Variants in PDZD8 observed in about 807,000 individuals in gnomAD.
PDZD8 encodes the protein PDZ domain-containing protein 8.
A neutral mutation model predicts 85.8 loss-of-function variants in PDZD8; 14 were observed. That is an observed-to-expected ratio of 0.16 (90% confidence interval 0.11 to 0.26). The LOEUF is 0.26. Among genes scored for constraint, PDZD8 ranks in the 10% least tolerant of loss-of-function variants. The pLI, the probability that PDZD8 is intolerant of heterozygous loss-of-function variation, is 1.00. For missense variants in PDZD8, 1,197 were observed against 1,424.3 expected, an observed-to-expected ratio of 0.84 and a Z score of 2.57; for synonymous variants, 592 against 568.6, an observed-to-expected ratio of 1.04 and a Z score of -0.59.
intron 3 of PDZD8, among the ~76,000 whole-genome samples, chr10:117,300,808 A>G (rs1843834484): frequency 1.3e-5 from 2 of 152,176 alleles, no homozygotes; most frequent in Non-Finnish European, 2.9e-5. Flanking sequence ...ATGTGAGGAC[A>G]TAGGGAAAAG....
chr10:117,291,173 C>T (rs2133765868), intron 3 of PDZD8, among the ~76,000 whole-genome samples: 1 of 152,016 alleles, frequency 6.6e-6, no homozygotes, highest in East Asian at 1.9e-4. Context: ...CCCACCCGGC[C>T]AGTGTATTCT....
chr10:117,367,611 A>C (rs1388229847), intron 1 of PDZD8, among the ~76,000 whole-genome samples: 1 of 152,180 alleles, frequency 6.6e-6, no homozygotes, highest in Non-Finnish European at 1.5e-5. Context: ...AATCAGCACT[A>C]AACTGGGTAT....
At chr10:117,333,802 T>C (rs1844471130) in intron 2 of PDZD8, among the ~76,000 whole-genome samples, 5 of 152,330 alleles carry the variant, frequency 3.3e-5, no homozygotes, top group Middle Eastern at 3.4e-3. Context: ...ACTTTGAAAA[T>C]GCTTCACCTA....
intron 3 of PDZD8, among the ~76,000 whole-genome samples, chr10:117,315,382 A>C (rs541448321): frequency 6.6e-6 from 1 of 151,954 alleles, no homozygotes; most frequent in East Asian, 1.9e-4. Context: ...ATCACCTGAG[A>C]CCAGGAGTTC....
At chr10:117,370,573 G>A (rs997762280) in intron 1 of PDZD8, among the ~76,000 whole-genome samples, 1 of 152,136 alleles carries the variant, frequency 6.6e-6, no homozygotes, top group Non-Finnish European at 1.5e-5. Flanking sequence ...CGGGCACAGC[G>A]GCTCACACAT....
chr10:117,359,077 G>A (rs763014472), intron 1 of PDZD8, among the ~76,000 whole-genome samples: 8 of 145,998 alleles, frequency 5.5e-5, no homozygotes, highest in South Asian at 2.2e-4. Context: ...TTTTAATTGC[G>A]TCCTTTGTGA....
intron 2 of PDZD8, among the ~76,000 whole-genome samples, chr10:117,332,964 CAAA>C (rs1231446044): frequency 6.6e-6 from 1 of 150,724 alleles, no homozygotes; most frequent in Non-Finnish European, 1.5e-5. Context: ...ACTAAAAATA[CAAA>C]AATTAGATGG....
At chr10:117,335,666 T>C (rs566068481) in intron 2 of PDZD8, among the ~76,000 whole-genome samples, 2 of 152,288 alleles carry the variant, frequency 1.3e-5, no homozygotes, top group East Asian at 3.9e-4. Flanking sequence ...AACCCAACTA[T>C]ATTTTAAATG....
intron 4 of PDZD8, among the ~76,000 whole-genome samples, chr10:117,288,385 G>GA (rs2133762249): frequency 6.6e-6 from 1 of 151,188 alleles, no homozygotes; most frequent in African/African-American, 2.4e-5. Context: ...TTTATGTACA[G>GA]AAAAAAACAA....
chr10:117,364,462 CACAG>C (rs1435917795), intron 1 of PDZD8, among the ~76,000 whole-genome samples: 3 of 145,458 alleles, frequency 2.1e-5, no homozygotes, highest in Non-Finnish European at 4.5e-5. Flanking sequence ...TCTATACGCA[CACAG>C]ACAGACACAC....
Position 117,284,918 on chromosome 10 carries a change from A to G in PDZD8, c.1815T>C (p.Asp605=), listed in dbSNP as rs756583657. 2.9e-5 allele frequency: 47 copies of G among 1,614,020 alleles called. No individual in the cohort carries two copies. The highest frequency in any genetic ancestry group is 3.9e-5 in the Non-Finnish European group (46 of 1,180,022). The change falls in exon 5 of 5, where the codon GAT becomes GAC. Residue 605 remains aspartate, a synonymous_variant. Coordinates refer to ENST00000334464, the MANE Select transcript of PDZD8 (RefSeq NM_173791.5). The part of the protein sequence containing the change: ...PQAKVPLPSA[D]APNQAEPDVL... The stretch of plus-strand genomic sequence containing the variant: ...CATCTGGTTCTGCCTGATTTGGAGC[A>G]TCGGCGGAAGGCAAAGGAACTTTCG...
chr10:117,330,119 G>C (rs1039947223), intron 2 of PDZD8, among the ~76,000 whole-genome samples: 1 of 151,370 alleles, frequency 6.6e-6, no homozygotes, highest in Admixed American at 6.6e-5. Flanking sequence ...GCACTTGAAG[G>C]GGGTCAAATA....
chr10:117,353,421 G>C (rs1844840691), intron 1 of PDZD8, among the ~76,000 whole-genome samples: 1 of 152,054 alleles, frequency 6.6e-6, no homozygotes, highest in Non-Finnish European at 1.5e-5. Flanking sequence ...GAAGGAAGGG[G>C]TAAACAAGTC....
Position 117,280,391 on chromosome 10 carries a change from AC to A in PDZD8, c.*2876del, listed in dbSNP as rs1221309318. ...CAGCAATTTTGTTTAGGAAAAGTGG[AC>A]TTTGTTATGCTTTTCTGCATGGCCA... On this transcript the variant is annotated 3_prime_UTR_variant, in exon 5 of 5. Coordinates refer to ENST00000334464, the MANE Select transcript of PDZD8 (RefSeq NM_173791.5). 1 of 152,224 alleles carries A rather than the reference AC, an allele frequency of 6.6e-6. No homozygotes were observed. The highest frequency in any genetic ancestry group is 1.5e-5 in the Non-Finnish European group (1 of 68,032). 9.4% of individuals were successfully genotyped at this position (152,224 alleles called of 1,614,324 possible).
intron 1 of PDZD8, among the ~76,000 whole-genome samples, chr10:117,363,351 C>T (rs1845029728): frequency 6.6e-6 from 1 of 152,074 alleles, no homozygotes; most frequent in African/African-American, 2.4e-5. Flanking sequence ...ATATTGATGT[C>T]TCCATGAAAG....
At chr10:117,296,097 T>C (rs75962400) in intron 3 of PDZD8, among the ~76,000 whole-genome samples, 3,507 of 152,092 alleles carry the variant, frequency 0.023, 120 homozygotes, top group African/African-American at 0.077. Flanking sequence ...ACAAAACAAC[T>C]ATTAGAGCTA....
intron 1 of PDZD8, among the ~76,000 whole-genome samples, chr10:117,361,705 T>C (rs1402972343): frequency 1.3e-5 from 2 of 152,122 alleles, no homozygotes; most frequent in Non-Finnish European, 2.9e-5. Flanking sequence ...GAAGTTAACA[T>C]AGCCCTCCAC....
Position 117,374,674 on chromosome 10 carries a change from G to A in PDZD8, c.554C>T (p.Ala185Val). 1 of 1,588,762 alleles carries A rather than the reference G, an allele frequency of 6.3e-7. No homozygotes were observed. Among genetic ancestry groups the A allele is most frequent in the Non-Finnish European group, 8.6e-7 (1 of 1,167,904 alleles). ...DGPEGEALPA[A>V]CPEELAFEAE... Reference sequence around the variant, plus strand: ...CTCGAAGGCCAGCTCCTCGGGGCAGGCGGCGGGCAGCGCCTCCCCTTCAGG... The same window carrying A: ...CTCGAAGGCCAGCTCCTCGGGGCAGACGGCGGGCAGCGCCTCCCCTTCAGG... Residue 185 changes from alanine to valine, a missense_variant, in exon 1 of 5, where the codon GCC (alanine) becomes GTC (valine). Ala to Val is a moderately conservative substitution (Grantham distance 64, BLOSUM62 0). Transcript: ENST00000334464. The surrounding 1 kb of genome is among the most constrained non-coding windows in gnomAD (Gnocchi z 7.8).
At position 117,283,512 on chromosome 10, in the gene PDZD8, G is replaced by A; in HGVS notation, c.3221C>T (p.Ser1074Phe). 1 of 1,614,214 alleles carries A rather than the reference G, an allele frequency of 6.2e-7. No homozygotes were observed. Among genetic ancestry groups the A allele is most frequent in the East Asian group, 2.2e-5 (1 of 44,892 alleles). Residue 1074 changes from serine (S) to phenylalanine (F), a missense_variant, in exon 5 of 5, where the codon TCT (serine) becomes TTT (phenylalanine). This residue lies in a region of PDZD8 where 418 missense variants were observed against 571.1 expected (regional missense o/e 0.73). Coordinates refer to ENST00000334464, the MANE Select transcript of PDZD8 (RefSeq NM_173791.5). ...TTDTRKKSLLSAALAKSGERL... is the reference protein window; with the variant it reads ...TTDTRKKSLLFAALAKSGERL... ...TTCACCTGATTTAGCTAAGGCAGCA[G>A]AAAGAAGTGATTTTTTCCTTGTATC... is the stretch of plus-strand genomic sequence containing the variant.
Sources: gnomAD v4.1 joint callset for allele counts (sites outside exome capture counted in the v4.1 genomes callset) on GRCh38, gnomAD v4.1.1 for gene constraint, gnomAD v4.1.1 regional missense constraint, Gnocchi (gnomAD v3.1) non-coding constraint, MANE v1.5 for transcripts, NCBI Gene and HGNC (gene_info 2026-07-23, HGNC 2026-07-21) for gene names.